Variants in RFC3 observed in about 807,000 individuals in gnomAD.
The protein encoded by RFC3 is replication factor C subunit 3.
In RFC3, 41 loss-of-function variants were observed where a neutral mutation model predicts 45.1. The ratio of observed to expected loss-of-function variants is 0.91; its 90% CI spans 0.71 to 1.18. RFC3 has a LOEUF of 1.18. Ranked by LOEUF, RFC3 falls within the 50% of genes most tolerant of loss-of-function variation. The probability of loss-of-function intolerance (pLI) is 0.00; values close to 1 mark genes in which losing one functional copy is unlikely to be tolerated. For synonymous variants in RFC3, 149 were observed against 144.0 expected (o/e 1.03, Z -0.25); for missense variants, 423 against 428.1 (o/e 0.99, Z 0.10).
At chr13:33,864,238 G>A (rs2082359390) in intron 8 of RFC3, among the ~76,000 whole-genome samples, 1 of 152,106 alleles carries the variant, frequency 6.6e-6, no homozygotes, top group Non-Finnish European at 1.5e-5. Flanking sequence ...TAAGGGACCT[G>A]CCTTCCTAAC....
chr13:33,841,269 G>A (rs2082196330), downstream of RFC3, among the ~76,000 whole-genome samples: 1 of 152,206 alleles, frequency 6.6e-6, no homozygotes, highest in Non-Finnish European at 1.5e-5. Flanking sequence ...GGTCCCTGGT[G>A]CTAAAAAGGT....
At chr13:33,894,522 G>C (rs933586599) in intron 8 of RFC3, among the ~76,000 whole-genome samples, 34 of 152,168 alleles carry the variant, frequency 2.2e-4, no homozygotes, top group Non-Finnish European at 3.8e-4. Context: ...TGAGGGGCAA[G>C]TGGGAAGTGT....
intron 8 of RFC3, among the ~76,000 whole-genome samples, chr13:33,960,328 T>C (rs772332849): frequency 2.6e-5 from 4 of 152,186 alleles, no homozygotes; most frequent in African/African-American, 7.2e-5. Flanking sequence ...ATATATGGCC[T>C]TGGGCACACT....
chr13:33,958,311 G>C (rs775138269), intron 8 of RFC3, among the ~76,000 whole-genome samples: 3 of 152,206 alleles, frequency 2.0e-5, no homozygotes, highest in Non-Finnish European at 4.4e-5. Context: ...GCAGGGTCCC[G>C]TCTAGGGAGT....
chr13:33,874,335 T>G lies in RFC3; in HGVS notation c.879+39118T>G, dbSNP rs574046263. On this transcript the variant is annotated intron_variant, in intron 8 of 8. Coordinates refer to the RFC3 transcript ENST00000434425. ...TGTTTGTTTTTTTGTTGTTGTTTTT[T>G]GGGACAGAGTCTCACTCTGTTATCC... Among the ~76,000 whole-genome samples the G allele has an allele frequency of 5.9e-5, 9 of 152,312 alleles. No individual in the cohort carries two copies. The South Asian group carries it at 1.9e-3, about 32-fold the overall frequency.
At chr13:33,835,596 T>C (rs1210119871) in intron 8 of RFC3, 20 of 399,652 alleles carry the variant, frequency 5.0e-5, no homozygotes, top group Non-Finnish European at 6.7e-5. Flanking sequence ...AACAGACCTC[T>C]TTTCTATTCA....
intron 1 of RFC3, among the ~76,000 whole-genome samples, chr13:33,819,948 GATT>G (rs2081986370): frequency 1.3e-5 from 2 of 152,326 alleles, no homozygotes; most frequent in Non-Finnish European, 2.9e-5. Flanking sequence ...CAGTATATTA[GATT>G]GAATAGTTCT....
intron 8 of RFC3, among the ~76,000 whole-genome samples, chr13:33,917,323 G>A (rs951656260): frequency 6.6e-6 from 1 of 152,116 alleles, no homozygotes; most frequent in African/African-American, 2.4e-5. Flanking sequence ...CAGAGCCTTA[G>A]CTTCCAGAAA....
intron 8 of RFC3, among the ~76,000 whole-genome samples, chr13:33,954,440 C>A (rs1480403979): frequency 2.0e-5 from 3 of 152,142 alleles, no homozygotes; most frequent in Admixed American, 2.0e-4. Context: ...CTATGATAAT[C>A]CTACTATGAT....
the RFC3 span, among the ~76,000 whole-genome samples, chr13:33,973,808 G>T: frequency 3.3e-5 from 5 of 151,918 alleles, no homozygotes; most frequent in East Asian, 9.7e-4. Context: ...GCACCATCAC[G>T]CCTGGCTAAT....
intron 8 of RFC3, among the ~76,000 whole-genome samples, chr13:33,894,962 T>C (rs2082588439): frequency 6.6e-6 from 1 of 152,114 alleles, no homozygotes; most frequent in Non-Finnish European, 1.5e-5. Context: ...CGTAGAAGAA[T>C]GAACTGGACA....
At chr13:33,828,230 T>C (rs1440130532) in intron 4 of RFC3, among the ~76,000 whole-genome samples, 6 of 152,202 alleles carry the variant, frequency 3.9e-5, no homozygotes, top group Non-Finnish European at 5.9e-5. Flanking sequence ...CTGTCACCTT[T>C]ATTGGGATTC....
chr13:33,830,424 A>AAT (rs911822383), intron 5 of RFC3, among the ~76,000 whole-genome samples: 1 of 152,214 alleles, frequency 6.6e-6, no homozygotes, highest in African/African-American at 2.4e-5. Flanking sequence ...CATTAATATG[A>AAT]ATATATATAC....
At chr13:33,834,775 A>G (rs1045085450) in intron 7 of RFC3, among the ~76,000 whole-genome samples, 1 of 152,260 alleles carries the variant, frequency 6.6e-6, no homozygotes, top group African/African-American at 2.4e-5. Context: ...GTTAAATTCC[A>G]TGGTGTGAAT....
intron 8 of RFC3, among the ~76,000 whole-genome samples, chr13:33,946,594 G>C (rs1182176471): frequency 6.6e-6 from 1 of 151,982 alleles, no homozygotes. Flanking sequence ...AAAATATTTT[G>C]TGAGAAAAAT....
At chr13:33,858,575 T>C (rs867974617) in intron 8 of RFC3, among the ~76,000 whole-genome samples, 5 of 152,170 alleles carry the variant, frequency 3.3e-5, no homozygotes, top group Admixed American at 6.5e-5. Flanking sequence ...TGTTCCAGGA[T>C]GGAAACTTTT....
chr13:33,821,249 A>C lies in RFC3; in HGVS notation c.205A>C (p.Ile69Leu). Residue 69 changes from isoleucine to leucine, a missense_variant, in exon 2 of 9, where the codon ATT becomes CTT. Physicochemically the swap from Ile to Leu is conservative, Grantham distance 5. Coordinates refer to ENST00000380071, the MANE Select transcript of RFC3 (RefSeq NM_002915.4). ...LYGVGVEKLR[I>L]EHQTITTPSK... is the part of the protein sequence containing the mutation. Reference sequence around the variant, plus strand: ...TGGTGTTGGAGTGGAAAAATTGAGAATTGAACATCAGACCATCACAGTAAG... The same window carrying C: ...TGGTGTTGGAGTGGAAAAATTGAGACTTGAACATCAGACCATCACAGTAAG... The C allele has an allele frequency of 1.2e-6, 2 of 1,613,596 alleles. No homozygotes were observed. Among genetic ancestry groups the C allele is most frequent in the Non-Finnish European group, 1.7e-6 (2 of 1,179,616 alleles).
intron 8 of RFC3, among the ~76,000 whole-genome samples, chr13:33,879,733 G>A (rs1007027769): frequency 2.6e-5 from 4 of 152,146 alleles, no homozygotes; most frequent in South Asian, 4.1e-4. Context: ...CAAACTTAGC[G>A]GTTTAAATCT....
chr13:33,848,362 G>A (rs898992482), intron 8 of RFC3: 1 of 151,976 alleles, frequency 6.6e-6, no homozygotes, highest in Non-Finnish European at 1.5e-5. Context: ...TTCTACTTCT[G>A]TTCATGAGAC....
Sources: gnomAD v4.1 joint callset for allele counts (sites outside exome capture counted in the v4.1 genomes callset) on GRCh38, gnomAD v4.1.1 for gene constraint, MANE v1.5 for transcripts, NCBI Gene and HGNC (gene_info 2026-07-23, HGNC 2026-07-21) for gene names.